The following KNDC1 variants were observed in gnomAD, a reference collection of about 807,000 sequenced individuals.
KNDC1 encodes kinase non-catalytic C-lobe domain containing 1, also known as kinase non-catalytic C-lobe domain-containing protein 1.
A neutral mutation model predicts 172.8 loss-of-function variants in KNDC1; 106 were observed. The observed-to-expected ratio is 0.61, with a 90% CI of 0.52 to 0.72. The LOEUF is 0.72. Ranked by LOEUF, KNDC1 falls within the 30% of genes least tolerant of loss-of-function variation. KNDC1 has a pLI of 0.00. For missense variants in KNDC1, 2,325 were observed against 2,394.5 expected (o/e 0.97, Z 0.61); for synonymous variants, 1,083 against 1,062.2 (o/e 1.02, Z -0.38).
intron 3 of KNDC1, among the ~76,000 whole-genome samples, chr10:133,176,200 G>A (rs1384541659): frequency 6.6e-6 from 1 of 151,690 alleles, no homozygotes; most frequent in Non-Finnish European, 1.5e-5. Flanking sequence ...GGGTGGATGT[G>A]TGGAGGATGG....
intron 29 of KNDC1, among the ~76,000 whole-genome samples, chr10:133,223,843 G>C (rs1410438426): frequency 1.1e-5 from 1 of 91,356 alleles, no homozygotes; most frequent in African/African-American, 4.5e-5. Flanking sequence ...GCCCATCCAG[G>C]CATGCTCTTC....
rs369750046 is a variant in KNDC1 at position 133,189,349 on chromosome 10, G to A, written c.1442-249G>A. Among the ~76,000 whole-genome samples the A allele has an allele frequency of 1.6e-3, 251 of 152,312 alleles. 1 individual carries two copies. The highest frequency in any genetic ancestry group is 5.5e-3 in the African/African-American group (229 of 41,566). On this transcript the variant is annotated intron_variant, in intron 7 of 29. Coordinates refer to ENST00000304613, the MANE Select transcript of KNDC1 (RefSeq NM_152643.8). ...CCTGCCGCTTGGCTCCCTTTCAGCC[G>A]CAGATATGCCGCTGCAGCCACTGTG... is the stretch of plus-strand genomic sequence containing the variant.
At chr10:133,204,210 G>A (rs576474969) in intron 17 of KNDC1, among the ~76,000 whole-genome samples, 6 of 152,208 alleles carry the variant, frequency 3.9e-5, no homozygotes, top group South Asian at 2.1e-4. Flanking sequence ...GGACACCTGC[G>A]TTTACCAACC....
chr10:133,221,521 C>T (rs973040183), intron 29 of KNDC1, among the ~76,000 whole-genome samples: 3 of 152,140 alleles, frequency 2.0e-5, no homozygotes, highest in Non-Finnish European at 2.9e-5. Context: ...CCCACCCTCC[C>T]GTCTCATCTC....
chr10:133,221,811 T>G (rs1845594029), intron 29 of KNDC1, among the ~76,000 whole-genome samples: 1 of 137,634 alleles, frequency 7.3e-6, no homozygotes. Flanking sequence ...ACGCGGCGGC[T>G]CACGCCTGTA....
intron 25 of KNDC1, 65 bp downstream of exon 25, chr10:133,213,792 C>A: frequency 6.7e-7 from 1 of 1,499,178 alleles, no homozygotes; most frequent in Non-Finnish European, 9.3e-7. Flanking sequence ...CCGTAAGAGT[C>A]TTGTGGACGC....
rs376684409 is a variant in KNDC1, at chr10:133,206,909, A to C, written c.3535A>C (p.Lys1179Gln). 63 of 1,614,118 alleles carry C rather than the reference A, an allele frequency of 3.9e-5. No individual in the cohort carries two copies. The highest frequency in any genetic ancestry group is 5.2e-5 in the Non-Finnish European group (61 of 1,180,026). ...GCTGAAAGGGCAGCTAGAAGAAATG[A>C]AATCCAGGGTGCAATTCCTCAGCTT... is the stretch of plus-strand genomic sequence containing the variant. ...SKLKGQLEEM[K>Q]SRVQFLSLVK... Residue 1179 changes from lysine to glutamine, a missense_variant, in exon 19 of 30, where the codon AAA (lysine) becomes CAA (glutamine). Physicochemically the swap from Lys to Gln is moderately conservative, Grantham distance 53. Transcript: ENST00000304613.
At chr10:133,206,825 C>G in intron 18 of KNDC1, 31 bp from the exon 19 acceptor site, 1 of 1,613,004 alleles carries the variant, frequency 6.2e-7, no homozygotes, top group Non-Finnish European at 8.5e-7. Context: ...TGCAGGCAGC[C>G]CGGCCCCCAC....
intron 3 of KNDC1, among the ~76,000 whole-genome samples, chr10:133,174,407 T>C (rs1273801857): frequency 7.2e-6 from 1 of 138,556 alleles, no homozygotes; most frequent in Non-Finnish European, 1.6e-5. Context: ...GGAAGGGCGG[T>C]GAAGATGGGG....
In KNDC1 at chr10:133,212,824, T is replaced by C. The variant is rs1368798163; in HGVS notation, c.4345T>C (p.Phe1449Leu). Reference sequence around the variant, plus strand: ...GCCCAAGCCCTGCTTCCTCGAGGACTTCTACGGCCCCTGCGCCAAGACCAG... The same window carrying C: ...GCCCAAGCCCTGCTTCCTCGAGGACCTCTACGGCCCCTGCGCCAAGACCAG... ...ALPKPCFLED[F>L]YGPCAKTSEK... The change falls in exon 24 of 30, where the codon TTC becomes CTC. Residue 1449 changes from phenylalanine to leucine, a missense_variant. Phe to Leu is a conservative substitution (Grantham distance 22, BLOSUM62 0). Coordinates refer to ENST00000304613, the MANE Select transcript of KNDC1 (RefSeq NM_152643.8). 6 of 1,613,954 alleles carry C rather than the reference T, an allele frequency of 3.7e-6. No individual in the cohort carries two copies. Among genetic ancestry groups the C allele is most frequent in the South Asian group, 3.3e-5 (3 of 91,082 alleles).
chr10:133,198,137 C>T (rs1224808563), intron 12 of KNDC1, among the ~76,000 whole-genome samples, 200 bp from the exon 13 acceptor site: 1 of 152,164 alleles, frequency 6.6e-6, no homozygotes, highest in Admixed American at 6.5e-5. Flanking sequence ...CCCGTCCCCG[C>T]CTGCTGGCCC....
Position 133,201,546 on chromosome 10 carries a change from G to A in KNDC1, c.3035G>A (p.Cys1012Tyr). The A allele has an allele frequency of 6.2e-7, 1 of 1,611,142 alleles. No individual in the cohort carries two copies. Among genetic ancestry groups the A allele is most frequent in the East Asian group, 2.2e-5 (1 of 44,822 alleles). ...GCCAGGACCAGCAGCAGGGCCCCCT[G>A]CTCACCCACCTCGGTGTCGGATGTG... ...AMARTSSRAP[C>Y]SPTSVSDVDS... is the part of the protein sequence containing the mutation. Residue 1012 changes from cysteine (C) to tyrosine (Y), a missense_variant, in exon 17 of 30, where the codon TGC (cysteine) becomes TAC (tyrosine). Physicochemically the swap from Cys to Tyr is radical, Grantham distance 194. Coordinates refer to ENST00000304613, the MANE Select transcript of KNDC1 (RefSeq NM_152643.8).
chr10:133,186,598 G>C lies in KNDC1; in HGVS notation c.1250G>C (p.Gly417Ala), dbSNP rs556311295. 391 of 1,602,606 alleles carry C rather than the reference G, an allele frequency of 2.4e-4. 5 individuals are homozygous for C. In the South Asian group the frequency reaches 4.1e-3, roughly 17 times the overall value. Residue 417 changes from glycine to alanine, a missense_variant, in exon 6 of 30, where the codon GGT becomes GCT. Coordinates refer to ENST00000304613, the MANE Select transcript of KNDC1 (RefSeq NM_152643.8). ...EAPADPRDAS[G>A]EAQTPRDDER... ...CCTGCAGACCCTCGAGATGCTAGCG[G>C]TGAAGCCCAGACTCCCAGGGACGAT...
chr10:133,197,544 C>T, intron 11 of KNDC1, 131 bp from the exon 12 acceptor site: 1 of 742,260 alleles, frequency 1.3e-6, no homozygotes. Flanking sequence ...GGCCGTGTGG[C>T]CGCCATGCCC....
chr10:133,189,683 TTCCCCTCAGGCCGAG>T lies in KNDC1; in HGVS notation c.1513+18_1513+32del, dbSNP rs1564886307. ...CCCCTGCCAACGGTGAGTGTGTGGG[TTCCCCTCAGGCCGAG>T]TCCAGCACCGGCTCGCCAGGGGTGA... On this transcript the variant is annotated intron_variant, in intron 8 of 29. Coordinates refer to ENST00000304613, the MANE Select transcript of KNDC1 (RefSeq NM_152643.8). 3.1e-6 allele frequency: 5 copies of T among 1,613,954 alleles called. No homozygotes were observed. Among genetic ancestry groups the T allele is most frequent in the Non-Finnish European group, 4.2e-6 (5 of 1,179,934 alleles).
At chr10:133,188,224 G>A (rs543630636) in intron 6 of KNDC1, among the ~76,000 whole-genome samples, 2 of 152,286 alleles carry the variant, frequency 1.3e-5, no homozygotes, top group South Asian at 2.1e-4. Context: ...TCGGTTCCTC[G>A]GGGAATGTGG....
intron 3 of KNDC1, among the ~76,000 whole-genome samples, chr10:133,173,507 C>G (rs1200592256): frequency 6.6e-6 from 1 of 151,848 alleles, no homozygotes; most frequent in Non-Finnish European, 1.5e-5. Context: ...TTTTTTATTT[C>G]CACTGGGATT....
At position 133,199,122 on chromosome 10, in the gene KNDC1, C is replaced by T. The variant is rs773808537; in HGVS notation, c.2614C>T (p.Arg872Trp). ...CCCAGAGAGGCCGCGGCCCGCAGAC[C>T]GGAGGCTCTGTCTGCCCTGCGTGGA... ...SVPERPRPAD[R>W]RLCLPCVDAS... is the part of the protein sequence containing the mutation. The change falls in exon 14 of 30, where the codon CGG becomes TGG. Residue 872 changes from arginine (R) to tryptophan (W), a missense_variant. Arg to Trp is a moderately radical substitution (Grantham distance 101). Coordinates refer to ENST00000304613, the MANE Select transcript of KNDC1 (RefSeq NM_152643.8). The T allele has an allele frequency of 1.1e-5, 17 of 1,607,228 alleles. No individual in the cohort carries two copies. Among genetic ancestry groups the T allele is most frequent in the Middle Eastern group, 1.6e-4 (1 of 6,066 alleles).
intron 5 of KNDC1, among the ~76,000 whole-genome samples, chr10:133,185,122 G>A (rs565167196): frequency 9.2e-5 from 14 of 152,384 alleles, no homozygotes; most frequent in Non-Finnish European, 1.8e-4. Context: ...GAATGAGCAC[G>A]TTTGCAGCTC....
Sources: gnomAD v4.1 joint callset for allele counts (sites outside exome capture counted in the v4.1 genomes callset) on GRCh38, gnomAD v4.1.1 for gene constraint, MANE v1.5 for transcripts, NCBI Gene and HGNC (gene_info 2026-07-23, HGNC 2026-07-21) for gene names.